Variants in TTC21B observed in about 807,000 individuals in gnomAD.
TTC21B encodes tetratricopeptide repeat protein 21B.
Under a neutral mutation model 175.1 loss-of-function variants are expected in TTC21B, and 127 were observed. That is an observed-to-expected ratio of 0.73 (90% CI 0.63 to 0.84). The LOEUF (loss-of-function observed/expected upper bound fraction) is 0.84. TTC21B is among the 40% of genes least tolerant of loss of function. The probability of loss-of-function intolerance (pLI) is 0.00; values close to 1 mark genes in which losing one functional copy is unlikely to be tolerated. For missense variants in TTC21B, 1,561 were observed against 1,558.3 expected (o/e 1.00, Z -0.03); for synonymous variants, 524 against 524.5 (o/e 1.00, Z 0.01).
chr2:165,939,014 A>G (rs1230127274), intron 6 of TTC21B, among the ~76,000 whole-genome samples: 1 of 152,128 alleles, frequency 6.6e-6, no homozygotes, highest in Non-Finnish European at 1.5e-5. Flanking sequence ...GAATTATCCT[A>G]TTTTTTCAAC....
chr2:165,906,410 T>C lies in TTC21B; in HGVS notation c.2568+1268A>G, dbSNP rs114716880. 2.9e-3 allele frequency among the ~76,000 whole-genome samples: 442 copies of C among 152,048 alleles called. 2 individuals carry two copies. The highest frequency in any genetic ancestry group is 0.01 in the African/African-American group (430 of 41,520). ...GATAACCCCTAGCATAACTGATTAT[T>C]AAAGAAGAAAAAATTACTAATATCA... On this transcript the variant is annotated intron_variant, in intron 19 of 28. Transcript: ENST00000243344.
At chr2:165,921,377 GAC>G (rs1470183015) in intron 12 of TTC21B, among the ~76,000 whole-genome samples, 1 of 152,144 alleles carries the variant, frequency 6.6e-6, no homozygotes, top group African/African-American at 2.4e-5. Flanking sequence ...GATGTCTCCT[GAC>G]TCCATGGGGA....
rs1364465300 is a variant in TTC21B at position 165,920,848 on chromosome 2, G to C, written c.1517-1415C>G. Among the ~76,000 whole-genome samples the C allele has an allele frequency of 4.2e-5, 5 of 119,682 alleles. No individual in the cohort carries two copies. The Admixed American group carries it at 4.2e-4, about 10-fold the overall frequency. 78.5% of individuals were successfully genotyped at this position (119,682 alleles called of 152,430 possible). A position where few individuals can be genotyped will look rare whatever the true frequency, so the allele number is the denominator to read the frequency against. On this transcript the variant is annotated intron_variant, in intron 12 of 28. Transcript: ENST00000243344. Reference sequence around the variant, plus strand: ...TGGGTCATTACTTTTGAGGAAAATAGACCCTGTCACCAGAGATCAACACCA... The same window carrying C: ...TGGGTCATTACTTTTGAGGAAAATACACCCTGTCACCAGAGATCAACACCA...
intron 6 of TTC21B, among the ~76,000 whole-genome samples, chr2:165,933,439 G>A (rs1430887890): frequency 6.6e-6 from 1 of 152,076 alleles, no homozygotes. Flanking sequence ...ACCTACTAAT[G>A]TTATTCACAA....
At chr2:165,900,638 T>A (rs1685527614) in intron 20 of TTC21B, among the ~76,000 whole-genome samples, 1 of 152,208 alleles carries the variant, frequency 6.6e-6, no homozygotes, top group African/African-American at 2.4e-5. Flanking sequence ...GCATCCTTAG[T>A]ACTAAACACC....
intron 11 of TTC21B, 51 bp from the exon 12 acceptor site, chr2:165,924,729 A>G (rs1203194753): frequency 6.5e-7 from 1 of 1,545,438 alleles, no homozygotes; most frequent in African/African-American, 1.4e-5. Context: ...AATAATATTT[A>G]CCTAAAATAA....
chr2:165,892,835 C>G (rs909831647), intron 22 of TTC21B, among the ~76,000 whole-genome samples: 17 of 152,154 alleles, frequency 1.1e-4, no homozygotes, highest in African/African-American at 3.6e-4. Flanking sequence ...TGCCACTGAA[C>G]AGTACACTTA....
At chr2:165,882,598 C>T (rs1000238065) in intron 26 of TTC21B, among the ~76,000 whole-genome samples, 2 of 152,022 alleles carry the variant, frequency 1.3e-5, no homozygotes, top group Non-Finnish European at 2.9e-5. Flanking sequence ...AGTCTAGTGT[C>T]GTCTTGTACA....
chr2:165,929,605 T>C, intron 10 of TTC21B, 45 bp downstream of exon 10: 1 of 1,358,112 alleles, frequency 7.4e-7, no homozygotes, highest in Non-Finnish European at 1.1e-6. Flanking sequence ...TTTCATATTT[T>C]ATAAACAGCT....
chr2:165,884,221 G>C (rs1684934528), intron 25 of TTC21B, among the ~76,000 whole-genome samples: 1 of 152,082 alleles, frequency 6.6e-6, no homozygotes, highest in African/African-American at 2.4e-5. Context: ...AGCACTGTGT[G>C]GTCAAGATAA....
At chr2:165,953,406 C>CATGAT (rs1384954317) in intron 1 of TTC21B, among the ~76,000 whole-genome samples, 2 of 152,214 alleles carry the variant, frequency 1.3e-5, no homozygotes, top group African/African-American at 4.8e-5. Flanking sequence ...TCCTAGTAAA[C>CATGAT]ATGATACAAA....
rs779121249 is a variant in TTC21B, at chr2:165,930,219, T to G, written c.1040A>C (p.Tyr347Ser). The G allele has an allele frequency of 4.3e-6, 7 of 1,613,444 alleles. No individual in the cohort carries two copies. The South Asian group carries it at 6.6e-5, about 15-fold the overall frequency. The change falls in exon 9 of 29, where the codon TAT becomes TCT. Residue 347 changes from tyrosine (Y) to serine (S), a missense_variant. Tyr to Ser is a moderately radical substitution (Grantham distance 144). Coordinates refer to ENST00000243344, the MANE Select transcript of TTC21B (RefSeq NM_024753.5). ...QGRVKEALKWYKTAMTLDETS... is the reference protein window; with the variant it reads ...QGRVKEALKWSKTAMTLDETS... ...CTCATCAAGTGTCATGGCGGTCTTA[T>G]ACCACTTCAGTGCCTCTTTAACTCT...
Position 165,945,788 on chromosome 2 carries a change from A to G in TTC21B, c.263-98T>C, listed in dbSNP as rs1687537265. The G allele has an allele frequency of 2.6e-6, 3 of 1,173,216 alleles. No individual in the cohort carries two copies. In the East Asian group the frequency reaches 7.6e-5, roughly 30 times the overall value. 72.7% of individuals were successfully genotyped at this position (1,173,216 alleles called of 1,614,324 possible). On this transcript the variant is annotated intron_variant, in intron 3 of 28. Transcript: ENST00000243344. Reference sequence around the variant, plus strand: ...CAAGGCAAAAAATTTACTTCTCTCTATAGTGGTACTGTCTAATAGAAATAA... The same window carrying G: ...CAAGGCAAAAAATTTACTTCTCTCTGTAGTGGTACTGTCTAATAGAAATAA...
intron 20 of TTC21B, among the ~76,000 whole-genome samples, chr2:165,901,236 T>TA (rs1685549883): frequency 6.6e-6 from 1 of 152,210 alleles, no homozygotes; most frequent in African/African-American, 2.4e-5. Flanking sequence ...AGGCATCATG[T>TA]AAGATTTTGA....
intron 10 of TTC21B, 23 bp downstream of exon 10, chr2:165,929,627 G>A: frequency 1.3e-6 from 2 of 1,506,388 alleles, no homozygotes; most frequent in South Asian, 1.1e-5. Context: ...GCATCTACCA[G>A]CTGATAAAAT....
At chr2:165,947,983 T>C (rs2105368802) in intron 3 of TTC21B, 1 of 152,352 alleles carries the variant, frequency 6.6e-6, no homozygotes, top group South Asian at 2.1e-4. Context: ...TTTGTACTAA[T>C]TTCTTCAATC....
intron 11 of TTC21B, chr2:165,928,703 CCTTT>C (rs1438613905): frequency 2.3e-5 from 4 of 172,126 alleles, no homozygotes; most frequent in East Asian, 3.1e-4. Context: ...AGTAAATGGT[CCTTT>C]CTTTTTTTTT....
intron 8 of TTC21B, 41 bp from the exon 9 acceptor site, chr2:165,930,405 C>T: frequency 1.4e-6 from 2 of 1,427,158 alleles, no homozygotes; most frequent in Non-Finnish European, 9.7e-7. Context: ...CAAAGTCTAA[C>T]ATTTCTACTG....
At chr2:165,916,294 T>C (rs1686175396) in intron 14 of TTC21B, among the ~76,000 whole-genome samples, 1 of 152,132 alleles carries the variant, frequency 6.6e-6, no homozygotes, top group Admixed American at 6.5e-5. Context: ...GGAAATTCTT[T>C]GTGATTTGGC....
Sources: allele counts gnomAD v4.1 joint callset (sites outside exome capture counted in the v4.1 genomes callset), GRCh38; gene constraint gnomAD v4.1.1; transcripts MANE v1.5; gene names NCBI Gene and HGNC (gene_info 2026-07-23, HGNC 2026-07-21).